L3MBTL1: variants seen among roughly 807,000 people sequenced by gnomAD.
L3MBTL1 encodes L3MBTL histone methyl-lysine binding protein 1, also known as lethal(3)malignant brain tumor-like protein 1.
L3MBTL1 carries 75 observed loss-of-function variants against 105.3 expected under a neutral mutation model. The observed-to-expected ratio is 0.71, with a 90% CI of 0.59 to 0.86. The LOEUF (loss-of-function observed/expected upper bound fraction) is 0.86. Among genes scored for constraint, L3MBTL1 ranks in the 40% least tolerant of loss-of-function variants. L3MBTL1 has a pLI of 0.00. For synonymous variants in L3MBTL1, 452 were observed against 436.2 expected (o/e 1.04, Z -0.45); for missense variants, 1,069 against 1,126.4 (o/e 0.95, Z 0.73).
In L3MBTL1 at chr20:43,541,344, C is replaced by T. The variant is rs910112322; in HGVS notation, c.*216C>T. The T allele has an allele frequency of 1.4e-5, 12 of 839,822 alleles. No individual in the cohort carries two copies. Among genetic ancestry groups the T allele is most frequent in the South Asian group, 3.9e-5 (2 of 51,654 alleles). 52.0% of individuals were successfully genotyped at this position (839,822 alleles called of 1,614,324 possible). A position where few individuals can be genotyped will look rare whatever the true frequency, so the allele number is the denominator to read the frequency against. ...TTTGAGCTGTTTACTGTCTCTGAGC[C>T]TACATCTTCTTGTCTGTAAAATGGA... On this transcript the variant is annotated 3_prime_UTR_variant, in exon 22 of 22. Coordinates refer to ENST00000418998, the MANE Select transcript of L3MBTL1 (RefSeq NM_001377303.1).
chr20:43,522,800 T>TC (rs1340506095), intron 7 of L3MBTL1, among the ~76,000 whole-genome samples: 1 of 123,706 alleles, frequency 8.1e-6, no homozygotes, highest in Admixed American at 8.5e-5. Context: ...TTTTTTTTTT[T>TC]CCTAAAGTAA....
At chr20:43,523,116 T>A (rs934098205) in intron 7 of L3MBTL1, 11 of 151,624 alleles carry the variant, frequency 7.3e-5, no homozygotes, top group Admixed American at 1.3e-4. Context: ...CAAAAAAAAA[T>A]AATAAAAATA....
chr20:43,530,417 A>C lies in L3MBTL1; in HGVS notation c.1190A>C (p.Lys397Thr). Residue 397 changes from lysine (K) to threonine (T), a missense_variant and splice_region_variant, in exon 10 of 22, where the codon AAA (lysine) becomes ACA (threonine). By Grantham distance (78) the Lys-to-Thr change is moderately conservative. Transcript: ENST00000418998. Reference sequence around the variant, plus strand: ...ACGGGCCACAAGCTGCAGCCTCCCAAAGGTAAGGCCTAGCTGGGTTGGTCA... The same window carrying C: ...ACGGGCCACAAGCTGCAGCCTCCCACAGGTAAGGCCTAGCTGGGTTGGTCA... ...EKTGHKLQPP[K>T]GYKEEEFSWS... 1 of 1,613,954 alleles carries C rather than the reference A, an allele frequency of 6.2e-7. No homozygotes were observed. Among genetic ancestry groups the C allele is most frequent in the Non-Finnish European group, 8.5e-7 (1 of 1,179,906 alleles).
rs2019440754 is a variant in L3MBTL1 at position 43,533,385 on chromosome 20, C to G, written c.1480C>G (p.Gln494Glu). 6.2e-7 allele frequency: 1 copy of G among 1,613,866 alleles called. No individual in the cohort carries two copies. Reference sequence around the variant, plus strand: ...CTACATCCACCCAGTGGGCTGGTGCCAGAAGCAAGGAAAGCCCCTCACCCC... The same window carrying G: ...CTACATCCACCCAGTGGGCTGGTGCGAGAAGCAAGGAAAGCCCCTCACCCC... ...SPYIHPVGWC[Q>E]KQGKPLTPPQ... is the part of the protein sequence containing the mutation. Residue 494 changes from glutamine (Q) to glutamate (E), a missense_variant, in exon 13 of 22, where the codon CAG becomes GAG. Coordinates refer to ENST00000418998, the MANE Select transcript of L3MBTL1 (RefSeq NM_001377303.1).
downstream of L3MBTL1, among the ~76,000 whole-genome samples, chr20:43,545,751 C>G (rs1288220961): frequency 6.6e-6 from 1 of 152,198 alleles, no homozygotes; most frequent in South Asian, 2.1e-4. Flanking sequence ...ACTAGACTTT[C>G]ATTTTCTTTT....
At chr20:43,509,328 A>T (rs904656488) in intron 1 of L3MBTL1, among the ~76,000 whole-genome samples, 10 of 151,940 alleles carry the variant, frequency 6.6e-5, no homozygotes, top group African/African-American at 2.4e-4. Context: ...AGGCTCAAGC[A>T]ACCCTCCCAC....
intron 11 of L3MBTL1, 89 bp from the exon 12 acceptor site, chr20:43,532,684 A>T: frequency 7.1e-7 from 1 of 1,398,778 alleles, no homozygotes; most frequent in Non-Finnish European, 9.9e-7. Context: ...AGGCTTTCCT[A>T]GAGAACCTAT....
intron 7 of L3MBTL1, among the ~76,000 whole-genome samples, chr20:43,522,450 C>T (rs1401304970): frequency 7.7e-6 from 1 of 129,582 alleles, no homozygotes; most frequent in Non-Finnish European, 1.7e-5. Flanking sequence ...GAATTTTTCC[C>T]TGCTAAGTTT....
chr20:43,514,118 T>A, intron 3 of L3MBTL1, 57 bp downstream of exon 3: 1 of 1,408,184 alleles, frequency 7.1e-7, no homozygotes, highest in Non-Finnish European at 9.7e-7. Context: ...GGGCGGGGCT[T>A]GCAGGCCCGG....
chr20:43,545,765 G>A (rs1341742096), downstream of L3MBTL1, among the ~76,000 whole-genome samples: 1 of 152,192 alleles, frequency 6.6e-6, no homozygotes, highest in East Asian at 1.9e-4. Context: ...TTCTTTTGGG[G>A]GAAAGGTTTT....
chr20:43,509,414 C>T (rs1372713656), intron 1 of L3MBTL1, among the ~76,000 whole-genome samples: 1 of 152,124 alleles, frequency 6.6e-6, no homozygotes, highest in African/African-American at 2.4e-5. Flanking sequence ...TTTGTTGAGG[C>T]TGAGGCCTCA....
In L3MBTL1 at chr20:43,548,185, A is replaced by G. The variant is rs1365754662; in HGVS notation, c.2199A>G (p.Pro733=). Residue 733 remains proline (P), a synonymous_variant, in exon 19 of 19, where the codon CCA becomes CCG. Transcript: ENST00000422861. ...AGATCATGAGCGTCAAGCTGGGCCC[A>G]GCCTTGAAGATCTATAACGCCATTC... is the stretch of plus-strand genomic sequence containing the variant. 4 of 1,304,346 alleles carry G rather than the reference A, an allele frequency of 3.1e-6. No homozygotes were observed. The African/African-American group carries it at 4.6e-5, about 15-fold the overall frequency. The allele number at this position is 1,304,346 out of a possible 1,614,324, so 80.8% of individuals were successfully genotyped here.
At position 43,530,786 on chromosome 20, in the gene L3MBTL1, C is replaced by G. The variant is rs1354038166; in HGVS notation, c.1193-12C>G. Reference sequence around the variant, plus strand: ...TGCACGGCGCTCTGTTCATGCCCCTCGAGGGGCCTAGGTTACAAGGAGGAG... The same window carrying G: ...TGCACGGCGCTCTGTTCATGCCCCTGGAGGGGCCTAGGTTACAAGGAGGAG... On this transcript the variant is annotated splice_polypyrimidine_tract_variant and intron_variant, in intron 10 of 21. Coordinates refer to ENST00000418998, the MANE Select transcript of L3MBTL1 (RefSeq NM_001377303.1). 2.5e-6 allele frequency: 4 copies of G among 1,613,312 alleles called. No homozygotes were observed. Among genetic ancestry groups the G allele is most frequent in the Non-Finnish European group, 2.5e-6 (3 of 1,179,514 alleles).
intron 1 of L3MBTL1, among the ~76,000 whole-genome samples, chr20:43,510,527 C>T (rs1416767885): frequency 2.6e-5 from 4 of 151,424 alleles, no homozygotes; most frequent in Admixed American, 2.6e-4. Flanking sequence ...GCCTCAGCCT[C>T]CCAAATAGCT....
intron 1 of L3MBTL1, among the ~76,000 whole-genome samples, chr20:43,513,053 C>A (rs1025547034): frequency 1.6e-4 from 25 of 152,148 alleles, no homozygotes; most frequent in African/African-American, 6.0e-4. Flanking sequence ...GTCTCTGAAT[C>A]CCCAGAGGGA....
downstream of L3MBTL1, among the ~76,000 whole-genome samples, chr20:43,546,471 C>T (rs1978606056): frequency 6.6e-6 from 1 of 152,196 alleles, no homozygotes; most frequent in Non-Finnish European, 1.5e-5. Flanking sequence ...GCTGGTATTG[C>T]TTCATAGGGT....
intron 9 of L3MBTL1, among the ~76,000 whole-genome samples, chr20:43,529,706 CAG>C (rs2019226213): frequency 6.6e-6 from 1 of 152,170 alleles, no homozygotes; most frequent in South Asian, 2.1e-4. Context: ...TGACATGCCA[CAG>C]GGGTGGCAGC....
At position 43,514,776 on chromosome 20, in the gene L3MBTL1, G is replaced by T. The variant is rs1379560692; in HGVS notation, c.502G>T (p.Glu168Ter). ...GDGEAGPQQA[E>*]DHPQNPPEDP... ...TGGCGAGGCGGGCCCCCAACAGGCG[G>T]GTAGGAGCCCCGCTCCCCAGGCCCT... is the stretch of plus-strand genomic sequence containing the variant. The change falls in exon 4 of 22, where the codon GAG (glutamate) becomes TAG (stop). Residue 168 changes from glutamate (E) to a stop codon, truncating the protein, a stop_gained and splice_region_variant. Transcript: ENST00000418998. LOFTEE classifies it high-confidence loss of function. The T allele has an allele frequency of 1.9e-6, 3 of 1,546,738 alleles. No individual in the cohort carries two copies. The African/African-American group carries it at 4.1e-5, about 21-fold the overall frequency.
At chr20:43,520,558 C>T (rs182168551) in intron 7 of L3MBTL1, among the ~76,000 whole-genome samples, 105 of 152,232 alleles carry the variant, frequency 6.9e-4, no homozygotes, top group South Asian at 1.7e-3. Context: ...TTCACCAATG[C>T]TTGTTATTAT....
Sources: allele counts gnomAD v4.1 joint callset (sites outside exome capture counted in the v4.1 genomes callset), GRCh38; gene constraint gnomAD v4.1.1; transcripts MANE v1.5; gene names NCBI Gene and HGNC (gene_info 2026-07-23, HGNC 2026-07-21).